CSMD2: variants seen among roughly 807,000 people sequenced by gnomAD.
The protein encoded by CSMD2 is CUB and Sushi multiple domains 2.
In CSMD2, 130 loss-of-function variants were observed where a neutral mutation model predicts 398.5. The ratio of observed to expected loss-of-function variants is 0.33; its 90% CI spans 0.28 to 0.38. The LOEUF (loss-of-function observed/expected upper bound fraction) is 0.38, where lower values mean the gene tolerates loss of function less well. Among genes scored for constraint, CSMD2 ranks in the 10% least tolerant of loss-of-function variants. CSMD2 has a pLI of 1.00. For missense variants in CSMD2, 3,829 were observed against 4,764.9 expected (o/e 0.80, Z 5.78); for synonymous variants, 1,828 against 1,908.5 (o/e 0.96, Z 1.10).
At chr1:33,657,033 C>T (rs531789681) in intron 27 of CSMD2, among the ~76,000 whole-genome samples, 4 of 152,218 alleles carry the variant, frequency 2.6e-5, no homozygotes, top group African/African-American at 9.6e-5. Context: ...CTTTCCCATC[C>T]CAGCCTCCCT....
At chr1:33,591,743 A>C (rs1199928156) in intron 44 of CSMD2, 1 of 150,528 alleles carries the variant, frequency 6.6e-6, no homozygotes, top group Non-Finnish European at 1.5e-5. Context: ...TCCCACATTA[A>C]CCTTCTGAGT....
At chr1:33,587,637 C>T (rs964908619) in intron 44 of CSMD2, among the ~76,000 whole-genome samples, 1 of 152,230 alleles carries the variant, frequency 6.6e-6, no homozygotes, top group Non-Finnish European at 1.5e-5. Context: ...ACCCTGTATT[C>T]TTCCCACCAC....
intron 13 of CSMD2, among the ~76,000 whole-genome samples, chr1:33,749,092 CTTTTTTT>C (rs72469561): frequency 1.9e-4 from 17 of 87,808 alleles, no homozygotes; most frequent in Admixed American, 3.0e-4. Context: ...ATACAGACTT[CTTTTTTT>C]TTTTTTTTTT....
intron 6 of CSMD2, among the ~76,000 whole-genome samples, chr1:33,828,789 C>T (rs1659121157): frequency 6.6e-6 from 1 of 152,176 alleles, no homozygotes; most frequent in Non-Finnish European, 1.5e-5. Flanking sequence ...CTCATTCCTC[C>T]GCAAGGAAAG....
intron 4 of CSMD2, among the ~76,000 whole-genome samples, chr1:33,924,134 C>T (rs770235146): frequency 6.6e-6 from 1 of 152,024 alleles, no homozygotes; most frequent in Non-Finnish European, 1.5e-5. Context: ...CTTTCTCTGC[C>T]TGGTTTATTT....
At chr1:33,653,573 T>A (rs548089193) in intron 27 of CSMD2, among the ~76,000 whole-genome samples, 26 of 152,170 alleles carry the variant, frequency 1.7e-4, no homozygotes, top group African/African-American at 6.3e-4. Flanking sequence ...AGATGACAGG[T>A]CTCTCAAGCA....
chr1:34,057,897 C>T, intron 2 of CSMD2, among the ~76,000 whole-genome samples: 1 of 152,200 alleles, frequency 6.6e-6, no homozygotes, highest in South Asian at 2.1e-4. Context: ...CATCTGAGCA[C>T]TGGCAGGCAA....
At chr1:34,014,440 G>A (rs1375562761) in intron 3 of CSMD2, among the ~76,000 whole-genome samples, 6 of 152,212 alleles carry the variant, frequency 3.9e-5, no homozygotes, top group Non-Finnish European at 8.8e-5. Context: ...TGCTCCAGGA[G>A]CACTGGTTGC....
At chr1:33,829,822 A>G (rs972167803) in intron 6 of CSMD2, among the ~76,000 whole-genome samples, 3 of 143,050 alleles carry the variant, frequency 2.1e-5, no homozygotes, top group African/African-American at 7.7e-5. Context: ...GCGCTTTTCC[A>G]ACGGGCTTAG....
intron 3 of CSMD2, among the ~76,000 whole-genome samples, chr1:33,989,912 G>A (rs1416308603): frequency 6.6e-6 from 1 of 152,118 alleles, no homozygotes; most frequent in African/African-American, 2.4e-5. Context: ...TCTTGATTGT[G>A]GTGGTAGCTA....
At chr1:34,035,151 G>A (rs535144871) in intron 2 of CSMD2, among the ~76,000 whole-genome samples, 2 of 152,140 alleles carry the variant, frequency 1.3e-5, no homozygotes, top group South Asian at 2.1e-4. Context: ...ACAAACTACC[G>A]TAAGTTTCCC....
chr1:33,521,361 C>T, intron 68 of CSMD2, 102 bp downstream of exon 68: 1 of 812,098 alleles, frequency 1.2e-6, no homozygotes, highest in Non-Finnish European at 2.2e-6. Context: ...GCACCCCCGC[C>T]TCAGACTGTT....
chr1:33,592,166 G>A (rs918566826), intron 44 of CSMD2: 53 of 515,216 alleles, frequency 1.0e-4, no homozygotes, highest in African/African-American at 9.2e-4. Context: ...GGTAGAGGAC[G>A]AGGAACTGAA....
intron 3 of CSMD2, among the ~76,000 whole-genome samples, chr1:33,998,740 T>G (rs1322234773): frequency 6.6e-6 from 1 of 152,130 alleles, no homozygotes; most frequent in Non-Finnish European, 1.5e-5. Flanking sequence ...GGGCCCCTGG[T>G]TAAAATATGA....
intron 3 of CSMD2, among the ~76,000 whole-genome samples, chr1:33,948,565 CA>C (rs760843695): frequency 6.6e-6 from 1 of 152,230 alleles, no homozygotes; most frequent in Non-Finnish European, 1.5e-5. Flanking sequence ...ATGGATACAA[CA>C]CACTTACTCT....
chr1:33,995,445 G>A (rs1214102854), intron 3 of CSMD2, among the ~76,000 whole-genome samples: 1 of 152,172 alleles, frequency 6.6e-6, no homozygotes, highest in East Asian at 1.9e-4. Context: ...ATCGGACCTT[G>A]TCTTTTTGGA....
chr1:33,863,965 GC>G (rs753170018), intron 5 of CSMD2: 75 of 528,682 alleles, frequency 1.4e-4, no homozygotes, highest in Non-Finnish European at 2.2e-4. Flanking sequence ...GTACACAAAT[GC>G]CCACAGGTGT....
At chr1:33,934,508 GTGAT>G (rs1205469023) in intron 4 of CSMD2, among the ~76,000 whole-genome samples, 4 of 152,186 alleles carry the variant, frequency 2.6e-5, no homozygotes, top group African/African-American at 7.2e-5. Flanking sequence ...ACAGTGTGAT[GTGAT>G]TGATTGTTTT....
At chr1:34,103,314 T>TTTTTTTTTTTC (rs1553316154) in intron 1 of CSMD2, among the ~76,000 whole-genome samples, 1 of 114,658 alleles carries the variant, frequency 8.7e-6, no homozygotes, top group Non-Finnish European at 1.7e-5. Flanking sequence ...TTTTTTTCTT[T>TTTTTTTTTTTC]CTGAGCCAGA....
Sources: allele counts gnomAD v4.1 joint callset (sites outside exome capture counted in the v4.1 genomes callset), GRCh38; gene constraint gnomAD v4.1.1; transcripts MANE v1.5; gene names NCBI Gene and HGNC (gene_info 2026-07-23, HGNC 2026-07-21).